Variants in GREB1L observed in about 807,000 individuals in gnomAD.
The protein encoded by GREB1L is GREB1-like protein.
A neutral mutation model predicts 200.8 loss-of-function variants in GREB1L; 17 were observed. That is an observed-to-expected ratio of 0.08 (90% CI 0.06 to 0.13). The LOEUF (loss-of-function observed/expected upper bound fraction) is 0.13, where lower values mean the gene tolerates loss of function less well. Among genes scored for constraint, GREB1L ranks in the 10% least tolerant of loss-of-function variants. The probability of loss-of-function intolerance (pLI) is 1.00; values close to 1 mark genes in which losing one functional copy is unlikely to be tolerated. For missense variants in GREB1L, 1,657 were observed against 2,367.7 expected, an observed-to-expected ratio of 0.70 and a Z score of 6.23; for synonymous variants, 789 against 893.0, an observed-to-expected ratio of 0.88 and a Z score of 2.08.
chr18:21,419,299 A>G (rs1364319409), intron 7 of GREB1L, among the ~76,000 whole-genome samples: 1 of 152,224 alleles, frequency 6.6e-6, no homozygotes, highest in Non-Finnish European at 1.5e-5. Context: ...AGACCACGTG[A>G]TTGTCTATGT....
rs571032304 is a variant in GREB1L, at chr18:21,499,623, G to A, written c.3392-106G>A. On this transcript the variant is annotated intron_variant, in intron 21 of 32. Transcript: ENST00000424526. Reference sequence around the variant, plus strand: ...GATTTCTTGCTCAGGGTCTGCAGCCGCGGAGCCGAGCCCAGTGTCCACTGC... The same window carrying A: ...GATTTCTTGCTCAGGGTCTGCAGCCACGGAGCCGAGCCCAGTGTCCACTGC... 15 of 735,968 alleles carry A rather than the reference G, an allele frequency of 2.0e-5. 1 individual carries two copies. Among genetic ancestry groups the A allele is most frequent in the Middle Eastern group, 5.4e-4 (2 of 3,674 alleles). The allele number at this position is 735,968 out of a possible 1,614,324, so 45.6% of individuals were successfully genotyped here. A position where few individuals can be genotyped will look rare whatever the true frequency, so the allele number is the denominator to read the frequency against.
intron 1 of GREB1L, among the ~76,000 whole-genome samples, chr18:21,260,923 T>G (rs1419906964): frequency 1.3e-5 from 2 of 151,954 alleles, no homozygotes; most frequent in Non-Finnish European, 1.5e-5. Context: ...ATCGGTTTTA[T>G]ACTAAAGAAA....
At chr18:21,370,495 A>G (rs1033746295) in intron 2 of GREB1L, among the ~76,000 whole-genome samples, 4 of 152,210 alleles carry the variant, frequency 2.6e-5, no homozygotes, top group African/African-American at 7.2e-5. Flanking sequence ...CACTCTCATC[A>G]GGGAATGTTT....
intron 1 of GREB1L, among the ~76,000 whole-genome samples, chr18:21,331,203 G>T (rs1308255842): frequency 3.9e-5 from 6 of 152,144 alleles, no homozygotes; most frequent in Non-Finnish European, 5.9e-5. Flanking sequence ...ATAGATGCTT[G>T]CACTTAAATA....
chr18:21,267,790 A>G (rs1598616346), intron 1 of GREB1L, among the ~76,000 whole-genome samples: 2 of 150,248 alleles, frequency 1.3e-5, no homozygotes, highest in South Asian at 4.2e-4. Flanking sequence ...GAGATAAGCC[A>G]GTCCCACCCC....
At chr18:21,405,141 C>T (rs1433152315) in intron 7 of GREB1L, among the ~76,000 whole-genome samples, 3 of 152,210 alleles carry the variant, frequency 2.0e-5, no homozygotes, top group Non-Finnish European at 4.4e-5. Context: ...TTAAATTGCA[C>T]GGGAGATTTA....
chr18:21,308,444 C>T (rs568896022), intron 1 of GREB1L, among the ~76,000 whole-genome samples: 23 of 152,314 alleles, frequency 1.5e-4, no homozygotes, highest in African/African-American at 4.6e-4. Flanking sequence ...GTCCTTCCAT[C>T]GCAGCCTCAC....
chr18:21,441,320 AG>A, intron 9 of GREB1L, 79 bp from the exon 10 acceptor site: 1 of 1,172,544 alleles, frequency 8.5e-7, no homozygotes, highest in Non-Finnish European at 1.2e-6. Context: ...CTCTGTTAAA[AG>A]TATTAAAACT....
chr18:21,431,919 C>CTTTTTTTTTTTTTTTT (rs773523492), intron 7 of GREB1L, among the ~76,000 whole-genome samples: 9 of 91,276 alleles, frequency 9.9e-5, no homozygotes, highest in Non-Finnish European at 1.2e-4. Flanking sequence ...CTTTTCTTTT[C>CTTTTTTTTTTTTTTTT]TTTTTTTTTT....
chr18:21,320,609 A>G (rs574992888), intron 1 of GREB1L, among the ~76,000 whole-genome samples: 3 of 151,798 alleles, frequency 2.0e-5, no homozygotes, highest in Admixed American at 1.3e-4. Context: ...TAAAAATACA[A>G]AAAAAAATTA....
intron 1 of GREB1L, among the ~76,000 whole-genome samples, chr18:21,254,244 A>AT (rs1349900735): frequency 6.6e-6 from 1 of 151,178 alleles, no homozygotes; most frequent in African/African-American, 2.4e-5. Context: ...TAATTTTTGT[A>AT]TTTTTAGTAC....
chr18:21,318,004 A>G (rs1010305035), intron 1 of GREB1L, among the ~76,000 whole-genome samples: 14 of 149,582 alleles, frequency 9.4e-5, no homozygotes, highest in Non-Finnish European at 5.9e-5. Context: ...GCTACTCCGG[A>G]GGCTGAAGCA....
At chr18:21,513,012 C>T (rs1005052831) in intron 27 of GREB1L, among the ~76,000 whole-genome samples, 6 of 152,122 alleles carry the variant, frequency 3.9e-5, no homozygotes, top group Non-Finnish European at 7.3e-5. Flanking sequence ...TGACTATCAT[C>T]TTGATAATCA....
chr18:21,393,115 C>G (rs1221109290), intron 4 of GREB1L, among the ~76,000 whole-genome samples: 1 of 152,072 alleles, frequency 6.6e-6, no homozygotes. Context: ...TTTCTCATGC[C>G]AGTAACTGAT....
At chr18:21,353,808 CAG>C (rs955542748) in intron 1 of GREB1L, among the ~76,000 whole-genome samples, 4 of 152,036 alleles carry the variant, frequency 2.6e-5, no homozygotes, top group Non-Finnish European at 5.9e-5. Context: ...CTTTTTGAGG[CAG>C]AGTCTCTCTC....
intron 4 of GREB1L, among the ~76,000 whole-genome samples, chr18:21,391,695 T>C (rs1397632338): frequency 1.3e-5 from 2 of 152,244 alleles, no homozygotes; most frequent in Admixed American, 1.3e-4. Context: ...ATGTCTCTTA[T>C]AATAGTGTGT....
At chr18:21,356,494 A>G (rs2039505989) in intron 1 of GREB1L, among the ~76,000 whole-genome samples, 1 of 152,206 alleles carries the variant, frequency 6.6e-6, no homozygotes, top group Non-Finnish European at 1.5e-5. Flanking sequence ...TGTTCCAAAT[A>G]ACAGGATTTC....
chr18:21,458,198 C>T (rs1025239893), intron 15 of GREB1L, among the ~76,000 whole-genome samples: 2 of 151,946 alleles, frequency 1.3e-5, no homozygotes, highest in African/African-American at 2.4e-5. Flanking sequence ...CTCGAACTTC[C>T]GACCTCAGGT....
intron 7 of GREB1L, among the ~76,000 whole-genome samples, chr18:21,407,925 A>G (rs1163239153): frequency 6.6e-6 from 1 of 152,196 alleles, no homozygotes; most frequent in African/African-American, 2.4e-5. Context: ...AGTTGATTTC[A>G]TGGAGACAGA....
Sources: gnomAD v4.1 joint callset for allele counts (sites outside exome capture counted in the v4.1 genomes callset) on GRCh38, gnomAD v4.1.1 for gene constraint, MANE v1.5 for transcripts, NCBI Gene and HGNC (gene_info 2026-07-23, HGNC 2026-07-21) for gene names.